Variants in NELL2 observed in about 807,000 individuals in gnomAD.
The protein encoded by NELL2 is neural EGFL like 2.
Under a neutral mutation model 109.6 loss-of-function variants are expected in NELL2, and 41 were observed. That is an observed-to-expected ratio of 0.37 (90% CI 0.29 to 0.49). The LOEUF (loss-of-function observed/expected upper bound fraction) is 0.49, where lower values mean the gene tolerates loss of function less well. Ranked by LOEUF, NELL2 falls within the 20% of genes least tolerant of loss-of-function variation. The pLI is 0.98. For missense variants in NELL2, 900 were observed against 1,008.3 expected (o/e 0.89, Z 1.45); for synonymous variants, 355 against 344.7 (o/e 1.03, Z -0.33).
intron 2 of NELL2, among the ~76,000 whole-genome samples, chr12:44,853,634 C>A (rs2136784949): frequency 6.6e-6 from 1 of 152,188 alleles, no homozygotes; most frequent in African/African-American, 2.4e-5. Flanking sequence ...ATCTGAACAT[C>A]AGGGAATAGA....
At chr12:44,885,461 A>G (rs769589043) in intron 1 of NELL2, among the ~76,000 whole-genome samples, 7 of 151,990 alleles carry the variant, frequency 4.6e-5, no homozygotes, top group Non-Finnish European at 1.0e-4. Context: ...AAGTCAATAT[A>G]CAGAAATCAA....
intron 9 of NELL2, among the ~76,000 whole-genome samples, chr12:44,734,389 TGA>T (rs1343708083): frequency 6.6e-6 from 1 of 151,962 alleles, no homozygotes; most frequent in East Asian, 1.9e-4. Flanking sequence ...AGTTTAGAGC[TGA>T]GTTTCATTAA....
intron 15 of NELL2, among the ~76,000 whole-genome samples, chr12:44,577,538 G>A (rs1944149546): frequency 7.5e-6 from 1 of 134,180 alleles, no homozygotes; most frequent in Non-Finnish European, 1.5e-5. Context: ...GCAGTGGCAC[G>A]ATGATCTCGG....
intron 15 of NELL2, among the ~76,000 whole-genome samples, chr12:44,563,966 T>C (rs1394276484): frequency 1.3e-5 from 2 of 152,202 alleles, no homozygotes; most frequent in South Asian, 2.1e-4. Flanking sequence ...AGGTCAATAA[T>C]ATAGCATATA....
At chr12:44,837,943 G>T (rs897329378) in intron 2 of NELL2, among the ~76,000 whole-genome samples, 2 of 152,158 alleles carry the variant, frequency 1.3e-5, no homozygotes, top group Non-Finnish European at 2.9e-5. Flanking sequence ...TCTTAAAGTA[G>T]AAGTACAAAT....
chr12:44,662,337 C>T (rs1213402178), intron 13 of NELL2, among the ~76,000 whole-genome samples: 1 of 152,118 alleles, frequency 6.6e-6, no homozygotes, highest in Non-Finnish European at 1.5e-5. Context: ...TAGTGTGTTT[C>T]TACATAAAAT....
intron 13 of NELL2, among the ~76,000 whole-genome samples, chr12:44,611,364 T>C (rs952436594): frequency 3.9e-5 from 6 of 152,042 alleles, no homozygotes; most frequent in Admixed American, 3.9e-4. Context: ...GAAATTGTAT[T>C]GCTTTGTAAG....
At chr12:44,845,872 A>T (rs541840668) in intron 2 of NELL2, among the ~76,000 whole-genome samples, 18 of 152,288 alleles carry the variant, frequency 1.2e-4, no homozygotes, top group African/African-American at 4.1e-4. Context: ...TTCCAGGGAA[A>T]GTCTTTGAGC....
At chr12:44,509,703 G>T (rs1029120295) in intron 19 of NELL2, among the ~76,000 whole-genome samples, 5 of 152,178 alleles carry the variant, frequency 3.3e-5, no homozygotes, top group Admixed American at 3.3e-4. Context: ...CTCCAAAATT[G>T]TGGGGAATGA....
intron 15 of NELL2, among the ~76,000 whole-genome samples, chr12:44,569,728 A>G (rs993638158): frequency 6.6e-6 from 1 of 152,118 alleles, no homozygotes; most frequent in Non-Finnish European, 1.5e-5. Context: ...TATTAAAAGC[A>G]TTTTGAATAT....
At chr12:44,875,463 T>G in intron 1 of NELL2, 110 bp from the exon 2 acceptor site, 1 of 1,613,930 alleles carries the variant, frequency 6.2e-7, no homozygotes, top group Non-Finnish European at 8.5e-7. Context: ...TATTGGGAAC[T>G]GAAGATGAGA....
At chr12:44,752,257 G>A (rs1398508496) in intron 9 of NELL2, among the ~76,000 whole-genome samples, 1 of 152,220 alleles carries the variant, frequency 6.6e-6, no homozygotes, top group Non-Finnish European at 1.5e-5. Flanking sequence ...TATGAACATA[G>A]CTAATACCTC....
chr12:44,522,051 C>A lies in NELL2; in HGVS notation c.2124G>T (p.Leu708Phe), dbSNP rs1941563640. 2.5e-6 allele frequency: 4 copies of A among 1,614,062 alleles called. No homozygotes were observed. The highest frequency in any genetic ancestry group is 2.5e-6 in the Non-Finnish European group (3 of 1,179,998). Residue 708 changes from leucine to phenylalanine, a missense_variant, in exon 18 of 20, where the codon TTG (leucine) becomes TTT (phenylalanine). By Grantham distance (22) the Leu-to-Phe change is conservative (BLOSUM62 0). Around this residue, in one of 4 missense-constraint regions of NELL2, gnomAD observed 333 missense variants for 432.3 expected, o/e 0.77. Transcript: ENST00000429094. ...GGACCCAGGTGTCACCACTGTTATA[C>A]AAAGTTTCCCCATTTTGATGGAGGC... ...SQCLHQNGET[L>F]YNSGDTWVQN...
chr12:44,874,397 G>C (rs2136842897), intron 2 of NELL2, among the ~76,000 whole-genome samples: 1 of 152,220 alleles, frequency 6.6e-6, no homozygotes. Context: ...CTACCTTTTA[G>C]AAGCTCTTAT....
At chr12:44,604,601 A>T (rs1945329242) in intron 15 of NELL2, among the ~76,000 whole-genome samples, 1 of 152,162 alleles carries the variant, frequency 6.6e-6, no homozygotes, top group African/African-American at 2.4e-5. Flanking sequence ...ATGATACAAA[A>T]GCAAATAAGA....
At chr12:44,653,966 G>C (rs1054682587) in intron 13 of NELL2, among the ~76,000 whole-genome samples, 1 of 152,052 alleles carries the variant, frequency 6.6e-6, no homozygotes, top group African/African-American at 2.4e-5. Context: ...TACTCTTCCT[G>C]CTTCTTGAAA....
chr12:44,751,625 T>A (rs1940657201), intron 9 of NELL2, among the ~76,000 whole-genome samples: 1 of 152,178 alleles, frequency 6.6e-6, no homozygotes, highest in South Asian at 2.1e-4. Context: ...TCTTCCCTTT[T>A]TTCTGTCCCT....
intron 1 of NELL2, among the ~76,000 whole-genome samples, chr12:44,919,472 AC>A (rs1945853387): frequency 6.6e-6 from 1 of 152,092 alleles, no homozygotes; most frequent in African/African-American, 2.4e-5. Context: ...TGTGACCGTA[AC>A]CCTGGAAATA....
At chr12:44,862,474 T>A (rs958723955) in intron 2 of NELL2, among the ~76,000 whole-genome samples, 1 of 152,208 alleles carries the variant, frequency 6.6e-6, no homozygotes, top group African/African-American at 2.4e-5. Flanking sequence ...TGAATCTGAT[T>A]TTTCCAGAAT....
Sources: allele counts gnomAD v4.1 joint callset (sites outside exome capture counted in the v4.1 genomes callset), GRCh38; gene constraint gnomAD v4.1.1; regional missense constraint gnomAD v4.1.1; transcripts MANE v1.5; gene names NCBI Gene and HGNC (gene_info 2026-07-23, HGNC 2026-07-21).